Variants in SRD5A2 observed in about 807,000 individuals in gnomAD.
SRD5A2 encodes the protein 3-oxo-5-alpha-steroid 4-dehydrogenase 2.
Under a neutral mutation model 27.4 loss-of-function variants are expected in SRD5A2, and 30 were observed. The ratio of observed to expected loss-of-function variants is 1.10; its 90% CI spans 0.82 to 1.49. The LOEUF is 1.49. SRD5A2 is among the 40% of genes most tolerant of loss of function. The pLI is 0.00. For missense variants in SRD5A2, 348 were observed against 323.4 expected (o/e 1.08, Z -0.58); for synonymous variants, 141 against 133.6 (o/e 1.06, Z -0.38).
At chr2:31,528,579 C>A (rs1195740719) in intron 4 of SRD5A2, among the ~76,000 whole-genome samples, 1 of 152,016 alleles carries the variant, frequency 6.6e-6, no homozygotes, top group African/African-American at 2.4e-5. Flanking sequence ...GACAGCCTGG[C>A]CAACATGGTG....
the SRD5A2 span, among the ~76,000 whole-genome samples, chr2:31,600,237 G>A: frequency 6.6e-6 from 1 of 151,908 alleles, no homozygotes; most frequent in South Asian, 2.1e-4. Context: ...TGCCATTTGT[G>A]GGCATTTAAG....
chr2:31,532,159 A>G (rs1665921473), intron 2 of SRD5A2, among the ~76,000 whole-genome samples: 1 of 152,156 alleles, frequency 6.6e-6, no homozygotes, highest in Admixed American at 6.5e-5. Context: ...TGAGTTATTA[A>G]TGGTGTCAGT....
chr2:31,612,891 A>G, the SRD5A2 span, among the ~76,000 whole-genome samples: 1 of 152,240 alleles, frequency 6.6e-6, no homozygotes, highest in Non-Finnish European at 1.5e-5. Context: ...GATTTTCAAC[A>G]AAGGTGCCAA....
upstream of SRD5A2, among the ~76,000 whole-genome samples, chr2:31,583,652 C>CAAAAAAAAAAAAAAAAAAAAA (rs1352139998): frequency 4.8e-5 from 1 of 20,922 alleles, no homozygotes; most frequent in African/African-American, 1.3e-4. Context: ...AAAAAAAAAC[C>CAAAAAAAAAAAAAAAAAAAAA]AAAAAAAAAG....
chr2:31,588,247 C>A, the SRD5A2 span, among the ~76,000 whole-genome samples: 8 of 152,034 alleles, frequency 5.3e-5, no homozygotes, highest in Non-Finnish European at 1.2e-4. Flanking sequence ...AGAAACATAT[C>A]AATATTCAAG....
the SRD5A2 span, among the ~76,000 whole-genome samples, chr2:31,593,645 C>T: frequency 1.3e-5 from 2 of 152,192 alleles, no homozygotes; most frequent in Non-Finnish European, 2.9e-5. Flanking sequence ...TTGAGGAAAA[C>T]TTCCCTAATC....
chr2:31,561,770 C>T (rs991900681), intron 1 of SRD5A2, among the ~76,000 whole-genome samples: 2 of 152,148 alleles, frequency 1.3e-5, no homozygotes, highest in Non-Finnish European at 2.9e-5. Flanking sequence ...CTCCCATAGG[C>T]ATGCTACTGA....
chr2:31,654,477 G>GA, the SRD5A2 span, among the ~76,000 whole-genome samples: 60 of 152,278 alleles, frequency 3.9e-4, 1 homozygote, highest in African/African-American at 1.3e-3. Context: ...AGTGCTGGGG[G>GA]ATCCAAAGCA....
chr2:31,531,453 C>G lies in SRD5A2; in HGVS notation c.465G>C (p.Leu155Phe), dbSNP rs1160969613. ...CACTATGAATGTTTATTCCCATTCC[C>G]AAAATAAATAAGAAGACACCTTGAC... ...RFSLGVFLFI[L>F]GMGINIHSDY... is the part of the protein sequence containing the mutation. Residue 155 changes from leucine to phenylalanine, a missense_variant, in exon 3 of 5, where the codon TTG (leucine) becomes TTC (phenylalanine). Leu to Phe is a conservative substitution (Grantham distance 22). Transcript: ENST00000622030. The G allele has an allele frequency of 6.3e-7, 1 of 1,594,574 alleles. No individual in the cohort carries two copies. The highest frequency in any genetic ancestry group is 1.4e-5 in the African/African-American group (1 of 73,630).
chr2:31,650,445 C>CT, the SRD5A2 span, among the ~76,000 whole-genome samples: 1 of 152,148 alleles, frequency 6.6e-6, no homozygotes, highest in Non-Finnish European at 1.5e-5. Flanking sequence ...TGCACTGTGT[C>CT]TGTGCTCTCA....
At chr2:31,630,469 C>T in the SRD5A2 span, among the ~76,000 whole-genome samples, 108 of 152,300 alleles carry the variant, frequency 7.1e-4, no homozygotes, top group East Asian at 0.017. Flanking sequence ...CCCTATAACA[C>T]TCCAATACTA....
At chr2:31,614,024 A>G in the SRD5A2 span, among the ~76,000 whole-genome samples, 1 of 152,194 alleles carries the variant, frequency 6.6e-6, no homozygotes, top group Non-Finnish European at 1.5e-5. Context: ...ACAGCAAACC[A>G]TATTATTCTG....
chr2:31,538,274 A>G lies in SRD5A2; in HGVS notation c.282-4508T>C, dbSNP rs970072148. ...AGTAAATGCCAAGTTTATTCTTCCA[A>G]TTGCTTAAGCCAAAGATCTTAGACC... On this transcript the variant is annotated intron_variant, in intron 1 of 4. Coordinates refer to ENST00000622030, the MANE Select transcript of SRD5A2 (RefSeq NM_000348.4). Among the ~76,000 whole-genome samples, 6 of 152,000 alleles carry G rather than the reference A, an allele frequency of 3.9e-5. No individual in the cohort carries two copies. In the South Asian group the frequency reaches 1.0e-3, roughly 26 times the overall value.
chr2:31,606,765 G>C, the SRD5A2 span, among the ~76,000 whole-genome samples: 1 of 151,818 alleles, frequency 6.6e-6, no homozygotes, highest in Non-Finnish European at 1.5e-5. Flanking sequence ...GAGTCACATC[G>C]TTGGCATAAA....
At chr2:31,545,626 G>T (rs748165394) in intron 1 of SRD5A2, among the ~76,000 whole-genome samples, 2 of 152,122 alleles carry the variant, frequency 1.3e-5, no homozygotes, top group Admixed American at 6.5e-5. Flanking sequence ...ACTCAAAGAT[G>T]AAAGCTCTTC....
At chr2:31,554,311 C>T (rs1315671102) in intron 1 of SRD5A2, among the ~76,000 whole-genome samples, 1 of 152,192 alleles carries the variant, frequency 6.6e-6, no homozygotes, top group Non-Finnish European at 1.5e-5. Flanking sequence ...CTCACACATG[C>T]TTAATATGAA....
At chr2:31,594,799 T>G in the SRD5A2 span, among the ~76,000 whole-genome samples, 1 of 152,290 alleles carries the variant, frequency 6.6e-6, no homozygotes, top group East Asian at 1.9e-4. Flanking sequence ...ATAGATCATA[T>G]GAGAGGCCAC....
At chr2:31,542,084 C>G (rs777842182) in intron 1 of SRD5A2, among the ~76,000 whole-genome samples, 2 of 152,190 alleles carry the variant, frequency 1.3e-5, no homozygotes, top group Non-Finnish European at 2.9e-5. Flanking sequence ...GGACACCAGC[C>G]AGGGTGGCTA....
chr2:31,634,597 A>T, the SRD5A2 span, among the ~76,000 whole-genome samples: 1 of 152,104 alleles, frequency 6.6e-6, no homozygotes, highest in Non-Finnish European at 1.5e-5. Flanking sequence ...GTATACATAC[A>T]TATAATTTAC....
Sources: allele counts gnomAD v4.1 joint callset (sites outside exome capture counted in the v4.1 genomes callset), GRCh38; gene constraint gnomAD v4.1.1; transcripts MANE v1.5; gene names NCBI Gene and HGNC (gene_info 2026-07-23, HGNC 2026-07-21).